KLHL1: variants seen among roughly 807,000 people sequenced by gnomAD.
KLHL1 encodes the protein kelch like family member 1.
Under a neutral mutation model 77.7 loss-of-function variants are expected in KLHL1, and 47 were observed. The observed-to-expected ratio is 0.60, with a 90% confidence interval of 0.48 to 0.77. The LOEUF is 0.77. KLHL1 is among the 30% of genes least tolerant of loss of function. KLHL1 has a pLI of 0.00. For missense variants in KLHL1, 925 were observed against 910.8 expected (o/e 1.02, Z -0.20); for synonymous variants, 360 against 325.2 (o/e 1.11, Z -1.15).
intron 7 of KLHL1, among the ~76,000 whole-genome samples, chr13:69,762,630 A>T (rs984167206): frequency 2.0e-5 from 3 of 150,020 alleles, no homozygotes; most frequent in Admixed American, 1.3e-4. Context: ...GGAACTGTGC[A>T]CCCATTGAAG....
intron 7 of KLHL1, among the ~76,000 whole-genome samples, chr13:69,746,252 A>T (rs917678219): frequency 6.6e-6 from 1 of 151,674 alleles, no homozygotes; most frequent in Non-Finnish European, 1.5e-5. Flanking sequence ...CCAAAATAAT[A>T]CCAGTTGTAT....
In KLHL1 at chr13:70,101,463, T is replaced by C. The variant is rs542632735; in HGVS notation, c.497+5740A>G. 6.7e-4 allele frequency among the ~76,000 whole-genome samples: 102 copies of C among 152,152 alleles called. 1 individual carries two copies. In the South Asian group the frequency reaches 0.02, roughly 29 times the overall value. ...TTTTTTTTAAGACGAAGTCTCGCTCTTGTCCCCCAGGCTGGAGTGCAGTGG... is the reference window on the plus strand; with the variant it reads ...TTTTTTTTAAGACGAAGTCTCGCTCCTGTCCCCCAGGCTGGAGTGCAGTGG... On this transcript the variant is annotated intron_variant, in intron 1 of 10. Coordinates refer to ENST00000377844, the MANE Select transcript of KLHL1 (RefSeq NM_020866.3).
intron 6 of KLHL1, among the ~76,000 whole-genome samples, chr13:69,833,860 C>T (rs919241616): frequency 7.8e-6 from 1 of 127,812 alleles, no homozygotes; most frequent in Non-Finnish European, 1.6e-5. Flanking sequence ...CATATATACA[C>T]ACACACACAC....
chr13:69,918,390 A>G (rs1053225711), intron 4 of KLHL1, among the ~76,000 whole-genome samples: 1 of 152,032 alleles, frequency 6.6e-6, no homozygotes, highest in African/African-American at 2.4e-5. Context: ...TTCTCCCAAA[A>G]TAGTACTCAT....
intron 7 of KLHL1, among the ~76,000 whole-genome samples, chr13:69,775,309 A>G (rs1875771029): frequency 6.6e-6 from 1 of 152,174 alleles, no homozygotes; most frequent in African/African-American, 2.4e-5. Flanking sequence ...TAGTGACTCA[A>G]ATGTCTAAAC....
rs1021359171 is a variant in KLHL1, at chr13:69,829,818, T to C, written c.1414+9158A>G. ...CTTTAGCCTCCTTAAACAAAACAAT[T>C]ATCGACCAAGAATTTTGTATCCAGT... On this transcript the variant is annotated intron_variant, in intron 6 of 10. Coordinates refer to ENST00000377844, the MANE Select transcript of KLHL1 (RefSeq NM_020866.3). 6.7e-5 allele frequency among the ~76,000 whole-genome samples: 10 copies of C among 149,934 alleles called. 2 individuals carry two copies. Among genetic ancestry groups the C allele is most frequent in the African/African-American group, 7.5e-5 (3 of 39,926 alleles).
intron 3 of KLHL1, among the ~76,000 whole-genome samples, chr13:69,945,135 G>T (rs2501217): frequency 1.3e-5 from 2 of 151,070 alleles, no homozygotes; most frequent in Admixed American, 6.6e-5. Context: ...ACAGTCACCC[G>T]CCACCACGCC....
chr13:69,925,920 T>C (rs967418924), intron 4 of KLHL1, among the ~76,000 whole-genome samples: 3 of 152,192 alleles, frequency 2.0e-5, no homozygotes, highest in Admixed American at 1.3e-4. Context: ...TACCTAGTTG[T>C]TAATAAGTTC....
chr13:69,939,112 G>C (rs2875575), intron 4 of KLHL1, among the ~76,000 whole-genome samples: 20,567 of 150,780 alleles, frequency 0.14, 2,296 homozygotes, highest in East Asian at 0.29. Flanking sequence ...GATACAGGGC[G>C]TCTATGCCAG....
intron 1 of KLHL1, among the ~76,000 whole-genome samples, chr13:70,027,898 G>A (rs1446311154): frequency 6.6e-6 from 1 of 152,058 alleles, no homozygotes; most frequent in Non-Finnish European, 1.5e-5. Context: ...TTATTGTGGC[G>A]ATGTTACACA....
intron 7 of KLHL1, among the ~76,000 whole-genome samples, chr13:69,780,076 G>C (rs1876061773): frequency 6.6e-6 from 1 of 152,074 alleles, no homozygotes; most frequent in South Asian, 2.1e-4. Flanking sequence ...CCAAAGTGCT[G>C]GGATGACAGG....
intron 1 of KLHL1, among the ~76,000 whole-genome samples, chr13:70,019,946 T>C (rs540614968): frequency 4.6e-5 from 7 of 152,248 alleles, no homozygotes; most frequent in African/African-American, 1.7e-4. Context: ...AGGAGTGAAT[T>C]AACTCTCTTC....
intron 3 of KLHL1, among the ~76,000 whole-genome samples, chr13:69,959,871 T>C (rs1042055982): frequency 1.3e-5 from 2 of 151,988 alleles, no homozygotes; most frequent in African/African-American, 4.8e-5. Flanking sequence ...TGGCCTGTGC[T>C]CTCCCTCTGA....
intron 4 of KLHL1, among the ~76,000 whole-genome samples, chr13:69,884,625 A>G (rs1731951772): frequency 6.6e-6 from 1 of 152,172 alleles, no homozygotes; most frequent in African/African-American, 2.4e-5. Context: ...GGTATCTGTC[A>G]TAAAGATACT....
intron 1 of KLHL1, among the ~76,000 whole-genome samples, chr13:70,105,585 C>CTAGT (rs1297097864): frequency 6.6e-6 from 1 of 151,202 alleles, no homozygotes; most frequent in African/African-American, 2.4e-5. Flanking sequence ...AATACTTAAC[C>CTAGT]TAGTTTCCTT....
intron 1 of KLHL1, among the ~76,000 whole-genome samples, chr13:70,099,587 A>C (rs944437402): frequency 6.6e-6 from 1 of 152,060 alleles, no homozygotes; most frequent in Non-Finnish European, 1.5e-5. Context: ...ATTCAAGGCA[A>C]GTGAGATTTA....
At chr13:69,723,089 A>G (rs1337957377) in intron 8 of KLHL1, among the ~76,000 whole-genome samples, 2 of 152,056 alleles carry the variant, frequency 1.3e-5, no homozygotes. Context: ...GACAAATACC[A>G]CATTATCTCA....
intron 1 of KLHL1, among the ~76,000 whole-genome samples, chr13:70,080,266 A>G (rs1374690846): frequency 6.6e-6 from 1 of 152,190 alleles, no homozygotes; most frequent in Non-Finnish European, 1.5e-5. Flanking sequence ...TTTTAAAGAC[A>G]CCTGTCAACA....
chr13:69,802,673 GC>G (rs139590920), intron 6 of KLHL1, among the ~76,000 whole-genome samples: 35,786 of 151,364 alleles, frequency 0.24, 4,322 homozygotes, highest in South Asian at 0.31. Flanking sequence ...GGTGCATGCA[GC>G]CCCCCAGTCC....
Sources: gnomAD v4.1 joint callset for allele counts (sites outside exome capture counted in the v4.1 genomes callset) on GRCh38, gnomAD v4.1.1 for gene constraint, MANE v1.5 for transcripts, NCBI Gene and HGNC (gene_info 2026-07-23, HGNC 2026-07-21) for gene names.